Variants in OPCML observed in about 807,000 individuals in gnomAD.
The protein encoded by OPCML is opioid binding protein/cell adhesion molecule like.
OPCML carries 13 observed loss-of-function variants against 37.8 expected under a neutral mutation model. The ratio of observed to expected loss-of-function variants is 0.34; its 90% CI spans 0.22 to 0.55. The LOEUF is 0.55. Ranked by LOEUF, OPCML falls within the 20% of genes least tolerant of loss-of-function variation. The pLI is 0.91. For missense variants in OPCML, 341 were observed against 435.6 expected (o/e 0.78, Z 1.93); for synonymous variants, 176 against 168.8 (o/e 1.04, Z -0.33).
intron 1 of OPCML, among the ~76,000 whole-genome samples, chr11:133,481,108 C>G (rs1016921528): frequency 2.0e-5 from 3 of 152,120 alleles, no homozygotes; most frequent in Admixed American, 6.5e-5. Flanking sequence ...ATAATTTTAT[C>G]GAGATTAACC....
At chr11:132,883,018 G>A (rs1437662333) in intron 2 of OPCML, among the ~76,000 whole-genome samples, 1 of 152,188 alleles carries the variant, frequency 6.6e-6, no homozygotes, top group Non-Finnish European at 1.5e-5. Context: ...AGATGCTTCA[G>A]CTGCGACAGT....
intron 2 of OPCML, among the ~76,000 whole-genome samples, chr11:132,808,970 A>T (rs993798485): frequency 6.6e-6 from 1 of 151,994 alleles, no homozygotes; most frequent in Non-Finnish European, 1.5e-5. Context: ...TTGCTTTTTT[A>T]AAATTTGGTC....
intron 1 of OPCML, among the ~76,000 whole-genome samples, chr11:133,303,138 A>C (rs1033533376): frequency 6.6e-6 from 1 of 152,204 alleles, no homozygotes; most frequent in African/African-American, 2.4e-5. Flanking sequence ...AATATCTGGA[A>C]AGAAAATGCA....
chr11:132,997,802 T>C (rs997013842), intron 1 of OPCML, among the ~76,000 whole-genome samples: 3 of 152,196 alleles, frequency 2.0e-5, no homozygotes, highest in Non-Finnish European at 4.4e-5. Context: ...CTTCTTTCAC[T>C]CTTGGAATCT....
intron 1 of OPCML, among the ~76,000 whole-genome samples, chr11:133,503,758 C>T (rs2120561871): frequency 6.6e-6 from 1 of 152,294 alleles, no homozygotes; most frequent in South Asian, 2.1e-4. Context: ...TTTCGCCACT[C>T]TGACTTCTAT....
At chr11:133,015,403 GGAAGGAAGGAAGGAAGGAAGGAAGGAAT>G (rs1947308066) in intron 1 of OPCML, among the ~76,000 whole-genome samples, 8 of 76,952 alleles carry the variant, frequency 1.0e-4, no homozygotes, top group African/African-American at 3.8e-4. Flanking sequence ...AATGAAGGAA[GGAAGGAAGGAAGGAAGGAAGGAAGGAAT>G]GAAGGAAGGA....
chr11:132,658,051 G>A (rs1320272754), intron 2 of OPCML, among the ~76,000 whole-genome samples: 1 of 152,176 alleles, frequency 6.6e-6, no homozygotes, highest in Non-Finnish European at 1.5e-5. Flanking sequence ...ACAATTCAAA[G>A]CTATGAACAC....
chr11:132,709,972 C>T (rs1944193497), intron 2 of OPCML, among the ~76,000 whole-genome samples: 1 of 152,130 alleles, frequency 6.6e-6, no homozygotes, highest in South Asian at 2.1e-4. Flanking sequence ...TTAATATTAG[C>T]TCAGTAAAGA....
chr11:132,701,172 A>G (rs577124420), intron 2 of OPCML, among the ~76,000 whole-genome samples: 3 of 152,350 alleles, frequency 2.0e-5, no homozygotes, highest in African/African-American at 7.2e-5. Flanking sequence ...ATGGTGGAAG[A>G]CAAAGGAGAA....
chr11:133,072,349 A>T (rs1377651569), intron 1 of OPCML, among the ~76,000 whole-genome samples: 1 of 152,260 alleles, frequency 6.6e-6, no homozygotes. Context: ...CATTTGAGAA[A>T]ATAAGTGAGA....
intron 1 of OPCML, among the ~76,000 whole-genome samples, chr11:133,062,169 G>A (rs1948354272): frequency 6.6e-6 from 1 of 152,196 alleles, no homozygotes; most frequent in African/African-American, 2.4e-5. Context: ...AGGGAGGAAA[G>A]CACAGGAGCA....
At chr11:132,832,824 G>A (rs923787090) in intron 2 of OPCML, among the ~76,000 whole-genome samples, 11 of 152,314 alleles carry the variant, frequency 7.2e-5, no homozygotes, top group African/African-American at 1.4e-4. Context: ...TGTACGGCAC[G>A]TAACTGAATA....
At chr11:133,002,144 AAAG>A (rs1947017401) in intron 1 of OPCML, among the ~76,000 whole-genome samples, 2 of 152,354 alleles carry the variant, frequency 1.3e-5, no homozygotes, top group South Asian at 2.1e-4. Context: ...TTTGCTTTTG[AAAG>A]AAGAATTCTC....
At chr11:133,398,992 C>T (rs1009410498) in intron 1 of OPCML, among the ~76,000 whole-genome samples, 3 of 152,174 alleles carry the variant, frequency 2.0e-5, no homozygotes, top group Non-Finnish European at 4.4e-5. Context: ...TCCCTGGGGA[C>T]AGGGATATAC....
chr11:133,128,232 G>A (rs549722876), intron 1 of OPCML, among the ~76,000 whole-genome samples: 8 of 152,200 alleles, frequency 5.3e-5, no homozygotes, highest in African/African-American at 1.2e-4. Context: ...TGGCAGCCCC[G>A]TCCCCTCATG....
intron 1 of OPCML, among the ~76,000 whole-genome samples, chr11:133,465,341 T>G (rs774195598): frequency 3.3e-5 from 5 of 152,180 alleles, no homozygotes; most frequent in Non-Finnish European, 7.4e-5. Flanking sequence ...ATCTCAAGAT[T>G]TTTAACTGAC....
intron 1 of OPCML, among the ~76,000 whole-genome samples, chr11:133,383,322 T>C (rs1365619794): frequency 6.6e-6 from 1 of 152,158 alleles, no homozygotes; most frequent in African/African-American, 2.4e-5. Flanking sequence ...AACTGCCGTA[T>C]GGTGCTCTTT....
chr11:133,123,747 G>A (rs1949455567), intron 1 of OPCML, among the ~76,000 whole-genome samples: 1 of 152,120 alleles, frequency 6.6e-6, no homozygotes, highest in African/African-American at 2.4e-5. Context: ...GTCTCTCTCT[G>A]TGGTTGTTCA....
At chr11:133,404,970 T>C (rs1945495077) in intron 1 of OPCML, among the ~76,000 whole-genome samples, 1 of 152,246 alleles carries the variant, frequency 6.6e-6, no homozygotes, top group Non-Finnish European at 1.5e-5. Context: ...CATTTTAGAG[T>C]TTCATTATGT....
Sources: gnomAD v4.1 joint callset for allele counts (sites outside exome capture counted in the v4.1 genomes callset) on GRCh38, gnomAD v4.1.1 for gene constraint, MANE v1.5 for transcripts, NCBI Gene and HGNC (gene_info 2026-07-23, HGNC 2026-07-21) for gene names.